The following VSTM2B variants were observed in gnomAD, a reference collection of about 807,000 sequenced individuals.
The protein encoded by VSTM2B is V-set and transmembrane domain-containing protein 2B.
VSTM2B carries 24 observed loss-of-function variants against 24.0 expected under a neutral mutation model. The observed-to-expected ratio is 1.00, with a 90% CI of 0.72 to 1.40. The LOEUF is 1.40. Among genes scored for constraint, VSTM2B ranks in the 40% most tolerant of loss-of-function variants. VSTM2B has a pLI of 0.00. For missense variants in VSTM2B, 399 were observed against 416.4 expected (o/e 0.96, Z 0.36); for synonymous variants, 226 against 194.4 (o/e 1.16, Z -1.35).
intron 4 of VSTM2B, among the ~76,000 whole-genome samples, chr19:29,531,885 T>C (rs1409693588): frequency 6.6e-6 from 1 of 152,254 alleles, no homozygotes; most frequent in East Asian, 1.9e-4. Flanking sequence ...CTCTGTTCCA[T>C]GCAGTCATCC....
chr19:29,526,750 A>C lies in VSTM2B; in HGVS notation c.82+85A>C. ...CCGAGAAGAAGAAGAAAGAGAACGA[A>C]CCGGGAAGCTTCGCGGTCTCCAGCA... is the stretch of plus-strand genomic sequence containing the variant. On this transcript the variant is annotated intron_variant, in intron 1 of 4. Transcript: ENST00000335523. This position sits in a 1 kb window ranked among gnomAD's most constrained non-coding sequence, Gnocchi z 4.1. 1 of 1,277,922 alleles carries C rather than the reference A, an allele frequency of 7.8e-7. No homozygotes were observed. 79.2% of individuals were successfully genotyped at this position (1,277,922 alleles called of 1,614,324 possible). A position where few individuals can be genotyped will look rare whatever the true frequency, so the allele number is the denominator to read the frequency against.
At chr19:29,562,642 G>A (rs1020847528) in intron 4 of VSTM2B, among the ~76,000 whole-genome samples, 1 of 152,186 alleles carries the variant, frequency 6.6e-6, no homozygotes, top group African/African-American at 2.4e-5. Context: ...TCCCCCGGGG[G>A]TTTTGGCAGC....
At chr19:29,534,842 G>A (rs377216788) in intron 4 of VSTM2B, among the ~76,000 whole-genome samples, 16 of 152,098 alleles carry the variant, frequency 1.1e-4, no homozygotes, top group South Asian at 2.1e-4. Flanking sequence ...TTAAGCGATC[G>A]TTCCTGGAAG....
Position 29,530,051 on chromosome 19 carries a change from C to T in VSTM2B, c.530C>T (p.Ala177Val). 2 of 1,517,344 alleles carry T rather than the reference C, an allele frequency of 1.3e-6. No homozygotes were observed. Among genetic ancestry groups the T allele is most frequent in the South Asian group, 1.2e-5 (1 of 81,668 alleles). 94.0% of individuals were successfully genotyped at this position (1,517,344 alleles called of 1,614,324 possible). Residue 177 changes from alanine (A) to valine (V), a missense_variant, in exon 4 of 5, where the codon GCC (alanine) becomes GTC (valine). Ala to Val is a moderately conservative substitution (Grantham distance 64). Transcript: ENST00000335523. Reference sequence around the variant, plus strand: ...AGCGGCCCGCGTCGCCACGGCCCAGCCAGCGCCGCCAACGCCAACAACGCG... The same window carrying T: ...AGCGGCCCGCGTCGCCACGGCCCAGTCAGCGCCGCCAACGCCAACAACGCG... The part of the protein sequence containing the change: ...QSSGPRRHGP[A>V]SAANANNAGA...
chr19:29,548,102 GGA>G (rs1453647699), intron 4 of VSTM2B, among the ~76,000 whole-genome samples: 1 of 152,134 alleles, frequency 6.6e-6, no homozygotes, highest in African/African-American at 2.4e-5. Context: ...CTGCAGCAGG[GGA>G]GAGAGGGCAC....
At chr19:29,560,864 A>C (rs989117849) in intron 4 of VSTM2B, among the ~76,000 whole-genome samples, 1 of 152,168 alleles carries the variant, frequency 6.6e-6, no homozygotes, top group Non-Finnish European at 1.5e-5. Context: ...TCACGTTGCC[A>C]GGCTCACCCT....
intron 4 of VSTM2B, among the ~76,000 whole-genome samples, chr19:29,532,515 T>C (rs1433690156): frequency 6.6e-6 from 1 of 152,142 alleles, no homozygotes; most frequent in Non-Finnish European, 1.5e-5. Context: ...AGCAAGGAAA[T>C]GTGTGCATTA....
intron 4 of VSTM2B, among the ~76,000 whole-genome samples, chr19:29,532,364 G>A (rs1258998702): frequency 2.0e-5 from 3 of 152,142 alleles, no homozygotes; most frequent in Admixed American, 6.5e-5. Context: ...CAAGGGGAGC[G>A]TGACTCTTCG....
At chr19:29,558,756 A>G (rs1048944976) in intron 4 of VSTM2B, among the ~76,000 whole-genome samples, 1 of 152,224 alleles carries the variant, frequency 6.6e-6, no homozygotes, top group Admixed American at 6.5e-5. Flanking sequence ...GCTAATGCAT[A>G]TGGGGCTTAA....
chr19:29,534,724 A>G (rs928386940), intron 4 of VSTM2B, among the ~76,000 whole-genome samples: 5 of 146,908 alleles, frequency 3.4e-5, no homozygotes, highest in South Asian at 2.3e-4. Flanking sequence ...CTCAAAAAAA[A>G]AAAAAGAAAG....
Position 29,555,519 on chromosome 19 carries a change from C to T in VSTM2B, c.770-8327C>T, listed in dbSNP as rs142220946. On this transcript the variant is annotated intron_variant, in intron 4 of 4. Transcript: ENST00000335523. ...AACTAGAGAACCAAGAGAAAACAAA[C>T]TCCAAAGCTAGTAAAAGAAAAGAAA... Among the ~76,000 whole-genome samples, 284 of 152,080 alleles carry T rather than the reference C, an allele frequency of 1.9e-3. 1 individual carries two copies. Among genetic ancestry groups the T allele is most frequent in the African/African-American group, 6.6e-3 (272 of 41,516 alleles).
At chr19:29,530,561 G>A (rs1568437559) in intron 4 of VSTM2B, among the ~76,000 whole-genome samples, 2 of 152,228 alleles carry the variant, frequency 1.3e-5, no homozygotes, top group African/African-American at 4.8e-5. Flanking sequence ...TACGCTGGAG[G>A]CTGTAGTGTG....
chr19:29,544,841 C>A (rs924799232), intron 4 of VSTM2B, among the ~76,000 whole-genome samples: 2 of 152,144 alleles, frequency 1.3e-5, no homozygotes, highest in African/African-American at 4.8e-5. Context: ...GATGGTTAGA[C>A]CAGCTGGGAT....
At position 29,552,464 on chromosome 19, in the gene VSTM2B, G is replaced by A. The variant is rs557899265; in HGVS notation, c.770-11382G>A. Among the ~76,000 whole-genome samples, 12 of 152,286 alleles carry A rather than the reference G, an allele frequency of 7.9e-5. No individual in the cohort carries two copies. The South Asian group carries it at 1.0e-3, about 13-fold the overall frequency. On this transcript the variant is annotated intron_variant, in intron 4 of 4. Coordinates refer to ENST00000335523, the MANE Select transcript of VSTM2B (RefSeq NM_001146339.2). ...TGGTGCGGTGGCCCACCTGGGAGCC[G>A]CATGGGGCAAGGGAAGCACCTACCA... is the stretch of plus-strand genomic sequence containing the variant.
At chr19:29,537,859 A>G (rs532708427) in intron 4 of VSTM2B, among the ~76,000 whole-genome samples, 11 of 151,296 alleles carry the variant, frequency 7.3e-5, no homozygotes, top group East Asian at 4.0e-4. Context: ...TGAGCACCCA[A>G]TGCCCGCTAG....
intron 4 of VSTM2B, 79 bp downstream of exon 4, chr19:29,530,369 C>A: frequency 7.7e-7 from 1 of 1,303,866 alleles, no homozygotes; most frequent in South Asian, 1.6e-5. Flanking sequence ...CGGGGGGCTC[C>A]GGACCCAGGA....
chr19:29,540,993 C>T (rs1970006731), intron 4 of VSTM2B, among the ~76,000 whole-genome samples: 1 of 152,146 alleles, frequency 6.6e-6, no homozygotes, highest in African/African-American at 2.4e-5. Context: ...GGAAGAGGGA[C>T]TCACATGTGC....
At chr19:29,541,749 G>C (rs886557252) in intron 4 of VSTM2B, among the ~76,000 whole-genome samples, 1 of 151,730 alleles carries the variant, frequency 6.6e-6, no homozygotes, top group African/African-American at 2.4e-5. Context: ...TAGGTAGATG[G>C]GTGGATGGTG....
At chr19:29,529,511 G>A (rs1198137804) in intron 3 of VSTM2B, among the ~76,000 whole-genome samples, 1 of 152,228 alleles carries the variant, frequency 6.6e-6, no homozygotes, top group African/African-American at 2.4e-5. Flanking sequence ...CCCTTCTGAA[G>A]CGCCAGCTAC....
Sources: gnomAD v4.1 joint callset for allele counts (sites outside exome capture counted in the v4.1 genomes callset) on GRCh38, gnomAD v4.1.1 for gene constraint, Gnocchi (gnomAD v3.1) non-coding constraint, MANE v1.5 for transcripts, NCBI Gene and HGNC (gene_info 2026-07-23, HGNC 2026-07-21) for gene names.